RAB5B: variants seen among roughly 807,000 people sequenced by gnomAD.
RAB5B encodes RAB5B, member RAS oncogene family.
Under a neutral mutation model 28.6 loss-of-function variants are expected in RAB5B, and 11 were observed. The ratio of observed to expected loss-of-function variants is 0.38; its 90% CI spans 0.24 to 0.64. RAB5B has a LOEUF of 0.64. Ranked by LOEUF, RAB5B falls within the 30% of genes least tolerant of loss-of-function variation. The pLI is 0.53. For missense variants in RAB5B, 169 were observed against 265.6 expected, an observed-to-expected ratio of 0.64 and a Z score of 2.53; for synonymous variants, 93 against 97.9, an observed-to-expected ratio of 0.95 and a Z score of 0.29.
At chr12:55,978,975 A>G (rs529204189) in intron 1 of RAB5B, among the ~76,000 whole-genome samples, 1 of 151,906 alleles carries the variant, frequency 6.6e-6, no homozygotes, top group African/African-American at 2.4e-5. Context: ...GTTTCACCAT[A>G]TTGGCCAGGC....
Position 55,989,929 on chromosome 12 carries a change from C to T in RAB5B, c.164-18C>T. 6.2e-7 allele frequency: 1 copy of T among 1,605,210 alleles called. No homozygotes were observed. The highest frequency in any genetic ancestry group is 8.5e-7 in the Non-Finnish European group (1 of 1,172,052). Reference sequence around the variant, plus strand: ...CCTCCCACTTACAGCATCTTCCCCTCCATTCTCTCATCCATAGCGGCCTTC... The same window carrying T: ...CCTCCCACTTACAGCATCTTCCCCTTCATTCTCTCATCCATAGCGGCCTTC... On this transcript the variant is annotated intron_variant, in intron 2 of 5. Transcript: ENST00000360299.
intron 1 of RAB5B, chr12:55,980,847 C>G: frequency 6.2e-7 from 1 of 1,606,774 alleles, no homozygotes; most frequent in Non-Finnish European, 8.5e-7. Flanking sequence ...CCAGCTGTGT[C>G]CCAGACTTGT....
chr12:55,990,930 C>T, intron 4 of RAB5B, 126 bp downstream of exon 4: 1 of 1,238,476 alleles, frequency 8.1e-7, no homozygotes, highest in Non-Finnish European at 1.1e-6. Flanking sequence ...AGTTCTACAC[C>T]AAGTTAAATA....
Position 55,986,905 on chromosome 12 carries a change from T to A in RAB5B, c.-56T>A. 5.0e-6 allele frequency: 1 copy of A among 201,160 alleles called. No homozygotes were observed. The highest frequency in any genetic ancestry group is 1.0e-5 in the Non-Finnish European group (1 of 98,952). The allele number at this position is 201,160 out of a possible 1,614,324, so 12.5% of individuals were successfully genotyped here. A position where few individuals can be genotyped will look rare whatever the true frequency, so the allele number is the denominator to read the frequency against. ...CCTGGAAATCCCCTCCCCTTCCCCCTCCCCCCTTTACAGTATCCCCCTCCC... is the reference window on the plus strand; with the variant it reads ...CCTGGAAATCCCCTCCCCTTCCCCCACCCCCCTTTACAGTATCCCCCTCCC... On this transcript the variant is annotated 5_prime_UTR_variant, in exon 2 of 6. Coordinates refer to ENST00000360299, the MANE Select transcript of RAB5B (RefSeq NM_002868.4).
chr12:55,984,062 C>T (rs1889884006), intron 1 of RAB5B, among the ~76,000 whole-genome samples: 1 of 152,084 alleles, frequency 6.6e-6, no homozygotes, highest in Admixed American at 6.6e-5. Context: ...TGCTCTGTTA[C>T]CCAGGCTGGA....
intron 2 of RAB5B, among the ~76,000 whole-genome samples, chr12:55,989,643 T>G (rs1890050784): frequency 6.6e-6 from 1 of 152,216 alleles, no homozygotes; most frequent in Non-Finnish European, 1.5e-5. Context: ...CATTTGTTAT[T>G]CTCCTATTTT....
intron 1 of RAB5B, among the ~76,000 whole-genome samples, chr12:55,983,892 TCAAG>T (rs1268775394): frequency 6.6e-6 from 1 of 152,118 alleles, no homozygotes; most frequent in Non-Finnish European, 1.5e-5. Flanking sequence ...ACTCCTCACC[TCAAG>T]CAAGGCTTCC....
At position 55,992,167 on chromosome 12, in the gene RAB5B, C is replaced by A. The variant is rs748674322; in HGVS notation, c.603C>A (p.Leu201=). 1.2e-6 allele frequency: 2 copies of A among 1,614,094 alleles called. No homozygotes were observed. The highest frequency in any genetic ancestry group is 1.7e-6 in the Non-Finnish European group (2 of 1,180,024). The change falls in exon 6 of 6, where the codon CTC becomes CTA. Residue 201 remains leucine, a synonymous_variant. Coordinates refer to ENST00000360299, the MANE Select transcript of RAB5B (RefSeq NM_002868.4). ...CAGGCCGAAGCCGGGGTGTGGATCT[C>A]CATGAACAGTCCCAGCAGAACAAGA... ...GAAGRSRGVD[L]HEQSQQNKSQ... is the part of the protein sequence containing the mutation.
At chr12:55,984,891 A>AT (rs1889912034) in intron 1 of RAB5B, among the ~76,000 whole-genome samples, 1 of 152,154 alleles carries the variant, frequency 6.6e-6, no homozygotes, top group Non-Finnish European at 1.5e-5. Context: ...TGAGGATGGT[A>AT]TTTTTTCCAT....
intron 1 of RAB5B, among the ~76,000 whole-genome samples, chr12:55,977,678 A>T (rs772798443): frequency 6.6e-5 from 10 of 152,234 alleles, no homozygotes; most frequent in Non-Finnish European, 1.5e-4. Flanking sequence ...AAGGAAATGC[A>T]GCAGCCCTCT....
chr12:55,981,945 G>A (rs188717137), intron 1 of RAB5B, among the ~76,000 whole-genome samples: 28 of 151,960 alleles, frequency 1.8e-4, no homozygotes, highest in Non-Finnish European at 1.0e-4. Flanking sequence ...GAGATTACAG[G>A]TGTCAGCCAC....
intron 4 of RAB5B, 35 bp from the exon 5 acceptor site, chr12:55,991,325 A>G (rs1222592808): frequency 6.6e-7 from 1 of 1,521,178 alleles, no homozygotes; most frequent in Middle Eastern, 1.7e-4. Context: ...TTCCCACCCT[A>G]CATTCTGAGC....
Position 55,996,003 on chromosome 12 carries a change from A to ATATATATATATATATATTTTTTTT in RAB5B, c.*3792_*3793insATATATATATATATATTTTTTTTT. ...TATATACATATATATATATATATATATTTTTTTTTTAACAACTGGTAGGAT... is the reference window on the plus strand; with the variant it reads ...TATATACATATATATATATATATATATATATATATATATATATTTTTTTTTTTTTTTTTTAACAACTGGTAGGAT... On this transcript the variant is annotated 3_prime_UTR_variant, in exon 6 of 6. Coordinates refer to ENST00000360299, the MANE Select transcript of RAB5B (RefSeq NM_002868.4). 9 of 97,414 alleles carry ATATATATATATATATATTTTTTTT rather than the reference A, an allele frequency of 9.2e-5. No homozygotes were observed. Among genetic ancestry groups the ATATATATATATATATATTTTTTTT allele is most frequent in the Non-Finnish European group, 1.4e-4 (7 of 50,478 alleles). 6.0% of individuals were successfully genotyped at this position (97,414 alleles called of 1,614,324 possible). A position where few individuals can be genotyped will look rare whatever the true frequency, so the allele number is the denominator to read the frequency against.
intron 4 of RAB5B, 99 bp downstream of exon 4, chr12:55,990,903 T>C (rs705698): frequency 0.3 from 433,053 of 1,427,948 alleles, 68,954 homozygotes; most frequent in Non-Finnish European, 0.33. Flanking sequence ...CAGAGGACAT[T>C]CATTGTCTCA....
chr12:55,976,651 A>G (rs952629232), intron 1 of RAB5B, among the ~76,000 whole-genome samples: 1 of 151,980 alleles, frequency 6.6e-6, no homozygotes, highest in East Asian at 1.9e-4. Context: ...AGGCCCCTGT[A>G]TTTGTCTTTC....
intron 1 of RAB5B, among the ~76,000 whole-genome samples, chr12:55,985,060 A>T (rs947586078): frequency 1.3e-5 from 2 of 152,232 alleles, no homozygotes; most frequent in Non-Finnish European, 2.9e-5. Context: ...AATCCTTACA[A>T]CACCCTTATG....
chr12:55,977,043 C>A (rs956470588), intron 1 of RAB5B, among the ~76,000 whole-genome samples: 2 of 152,038 alleles, frequency 1.3e-5, no homozygotes, highest in Admixed American at 6.5e-5. Flanking sequence ...GGCATGATCT[C>A]GGCTCACTGC....
chr12:55,980,054 G>A (rs753971878), intron 1 of RAB5B, among the ~76,000 whole-genome samples: 8 of 152,008 alleles, frequency 5.3e-5, no homozygotes, highest in African/African-American at 1.7e-4. Context: ...GTGTAGTGCC[G>A]AGCTAGCCCT....
chr12:55,974,975 T>C (rs1297926015), intron 1 of RAB5B, among the ~76,000 whole-genome samples: 1 of 152,166 alleles, frequency 6.6e-6, no homozygotes, highest in Non-Finnish European at 1.5e-5. Flanking sequence ...CCCTACACTT[T>C]CTGTTGGCCT....
Sources: allele counts gnomAD v4.1 joint callset (sites outside exome capture counted in the v4.1 genomes callset), GRCh38; gene constraint gnomAD v4.1.1; transcripts MANE v1.5; gene names NCBI Gene and HGNC (gene_info 2026-07-23, HGNC 2026-07-21).